Variants in UBE2E2 observed in about 807,000 individuals in gnomAD.
UBE2E2 encodes ubiquitin-conjugating enzyme E2 E2.
UBE2E2 carries 6 observed loss-of-function variants against 24.7 expected under a neutral mutation model. The observed-to-expected ratio is 0.24, with a 90% confidence interval of 0.13 to 0.48. UBE2E2 has a LOEUF of 0.48. UBE2E2 is among the 20% of genes least tolerant of loss of function. The pLI, the probability that UBE2E2 is intolerant of heterozygous loss-of-function variation, is 0.99. For missense variants in UBE2E2, 169 were observed against 245.0 expected (o/e 0.69, Z 2.07); for synonymous variants, 104 against 83.6 (o/e 1.24, Z -1.33).
intron 3 of UBE2E2, among the ~76,000 whole-genome samples, chr3:23,392,295 A>G (rs950673751): frequency 1.3e-5 from 2 of 152,172 alleles, no homozygotes; most frequent in African/African-American, 4.8e-5. Flanking sequence ...AGTGCCTGAT[A>G]TGCATGAGAC....
chr3:23,225,873 G>GTTTTTTTT (rs10717256), intron 3 of UBE2E2, among the ~76,000 whole-genome samples: 1 of 146,612 alleles, frequency 6.8e-6, no homozygotes, highest in Non-Finnish European at 1.5e-5. Flanking sequence ...AGAAGAAAGT[G>GTTTTTTTT]TTTTTTTTTT....
chr3:23,365,279 A>G (rs1271016940), intron 3 of UBE2E2, among the ~76,000 whole-genome samples: 5 of 152,210 alleles, frequency 3.3e-5, no homozygotes, highest in African/African-American at 4.8e-5. Context: ...AGCCAGAGCA[A>G]TCAGGCAAGA....
At chr3:23,332,718 T>TGTGTGTGTGTGTGCGC (rs1491331498) in intron 3 of UBE2E2, among the ~76,000 whole-genome samples, 2 of 148,258 alleles carry the variant, frequency 1.3e-5, no homozygotes, top group African/African-American at 5.0e-5. Flanking sequence ...TGTGTGTGTG[T>TGTGTGTGTGTGTGCGC]GCAGCTATGG....
chr3:23,242,538 AG>A (rs1697286450), intron 3 of UBE2E2, among the ~76,000 whole-genome samples: 1 of 152,084 alleles, frequency 6.6e-6, no homozygotes, highest in Admixed American at 6.5e-5. Flanking sequence ...CAGGAATAAA[AG>A]CTTTCACCAT....
intron 3 of UBE2E2, among the ~76,000 whole-genome samples, chr3:23,320,493 T>A (rs1276488644): frequency 1.3e-5 from 2 of 152,352 alleles, no homozygotes; most frequent in African/African-American, 4.8e-5. Context: ...TCCTGTATTT[T>A]TTAATAGCAG....
intron 3 of UBE2E2, among the ~76,000 whole-genome samples, chr3:23,434,304 C>A (rs888931396): frequency 1.3e-5 from 2 of 152,114 alleles, no homozygotes; most frequent in African/African-American, 4.8e-5. Context: ...CAATTGCTTA[C>A]TAACATAACC....
At chr3:23,267,031 A>T (rs1353308685) in intron 3 of UBE2E2, among the ~76,000 whole-genome samples, 1 of 152,060 alleles carries the variant, frequency 6.6e-6, no homozygotes, top group Non-Finnish European at 1.5e-5. Flanking sequence ...AACATACCAG[A>T]ATCTCTGGGA....
intron 3 of UBE2E2, among the ~76,000 whole-genome samples, chr3:23,356,821 A>G (rs9826647): frequency 0.34 from 51,728 of 152,108 alleles, 10,535 homozygotes; most frequent in Admixed American, 0.52. Flanking sequence ...CAGGTCTCCA[A>G]CCCCTGGTGC....
intron 3 of UBE2E2, among the ~76,000 whole-genome samples, chr3:23,223,407 G>A (rs1183115425): frequency 6.6e-6 from 1 of 152,012 alleles, no homozygotes; most frequent in Non-Finnish European, 1.5e-5. Context: ...TGGCCGGGCT[G>A]GTCTCAAACT....
chr3:23,352,971 T>C lies in UBE2E2; in HGVS notation c.227+135659T>C, dbSNP rs1256677035. Among the ~76,000 whole-genome samples, 21 of 152,292 alleles carry C rather than the reference T, an allele frequency of 1.4e-4. No individual in the cohort carries two copies. In the South Asian group the frequency reaches 3.3e-3, roughly 24 times the overall value. On this transcript the variant is annotated intron_variant, in intron 3 of 5. Transcript: ENST00000396703. ...GACCAATATCCTTGATGAACATTGA[T>C]GCAAAAATCCTCAATAAAATACTAG... is the stretch of plus-strand genomic sequence containing the variant.
chr3:23,219,723 C>G (rs1206372236), intron 3 of UBE2E2, among the ~76,000 whole-genome samples: 1 of 152,170 alleles, frequency 6.6e-6, no homozygotes, highest in Non-Finnish European at 1.5e-5. Flanking sequence ...TCCTATCACA[C>G]ATGCCTCTCA....
At chr3:23,226,782 A>G (rs1696837890) in intron 3 of UBE2E2, among the ~76,000 whole-genome samples, 1 of 152,176 alleles carries the variant, frequency 6.6e-6, no homozygotes, top group Admixed American at 6.5e-5. Flanking sequence ...CAGTTGCTGT[A>G]GTTTGAGGTT....
intron 3 of UBE2E2, among the ~76,000 whole-genome samples, chr3:23,485,633 A>C (rs1307673313): frequency 1.3e-5 from 2 of 152,188 alleles, no homozygotes; most frequent in Non-Finnish European, 2.9e-5. Context: ...CCACTGTTTC[A>C]GAGTATGTGG....
At chr3:23,531,082 T>A (rs887479016) in intron 4 of UBE2E2, among the ~76,000 whole-genome samples, 2 of 152,212 alleles carry the variant, frequency 1.3e-5, no homozygotes, top group Non-Finnish European at 2.9e-5. Context: ...GAAGGGCAGT[T>A]CTCATTAGAA....
intron 3 of UBE2E2, among the ~76,000 whole-genome samples, chr3:23,363,684 C>T (rs911222630): frequency 6.6e-6 from 1 of 152,128 alleles, no homozygotes; most frequent in Non-Finnish European, 1.5e-5. Context: ...CTTGGATAGC[C>T]ACACAATAGT....
chr3:23,257,512 G>GCCCCCCCCCCCCC (rs5847227), intron 3 of UBE2E2, among the ~76,000 whole-genome samples: 2 of 31,148 alleles, frequency 6.4e-5, no homozygotes, highest in Non-Finnish European at 1.2e-4. Flanking sequence ...TGTTTCCCGT[G>GCCCCCCCCCCCCC]CCCCCCCCCC....
At chr3:23,451,331 C>T (rs992631524) in intron 3 of UBE2E2, among the ~76,000 whole-genome samples, 4 of 152,086 alleles carry the variant, frequency 2.6e-5, no homozygotes, top group African/African-American at 9.7e-5. Context: ...ATTCTTAGAT[C>T]AGTAATAGAG....
intron 3 of UBE2E2, among the ~76,000 whole-genome samples, chr3:23,443,812 G>A (rs370361664): frequency 2.4e-4 from 37 of 152,044 alleles, no homozygotes; most frequent in African/African-American, 8.7e-4. Context: ...TACATTATAC[G>A]TAGCTTCCAT....
intron 5 of UBE2E2, among the ~76,000 whole-genome samples, chr3:23,550,009 G>T (rs1420493463): frequency 6.7e-5 from 10 of 149,938 alleles, no homozygotes; most frequent in Non-Finnish European, 3.0e-5. Flanking sequence ...CTCCAGCCTG[G>T]GTAACAGAGA....
Sources: allele counts gnomAD v4.1 joint callset (sites outside exome capture counted in the v4.1 genomes callset), GRCh38; gene constraint gnomAD v4.1.1; transcripts MANE v1.5; gene names NCBI Gene and HGNC (gene_info 2026-07-23, HGNC 2026-07-21).